The following S100Z variants were observed in gnomAD, a reference collection of about 807,000 sequenced individuals.
The protein encoded by S100Z is S100 calcium binding protein Z, also known as protein S100-Z.
S100Z carries 11 observed loss-of-function variants against 8.5 expected under a neutral mutation model. That is an observed-to-expected ratio of 1.30 (90% CI 0.82 to 2.15). The LOEUF is 2.15. Among genes scored for constraint, S100Z ranks in the 30% most tolerant of loss-of-function variants. The pLI, the probability that S100Z is intolerant of heterozygous loss-of-function variation, is 0.00. For missense variants in S100Z, 126 were observed against 117.9 expected (o/e 1.07, Z -0.32); for synonymous variants, 34 against 43.8 (o/e 0.78, Z 0.89).
At chr5:76,855,053 G>A (rs1490615263) in intron 1 of S100Z, among the ~76,000 whole-genome samples, 1 of 152,238 alleles carries the variant, frequency 6.6e-6, no homozygotes, top group Non-Finnish European at 1.5e-5. Context: ...GCCTGTGAGT[G>A]CACAGAATGC....
intron 4 of S100Z, among the ~76,000 whole-genome samples, chr5:76,888,898 T>C (rs1743758034): frequency 6.6e-6 from 1 of 152,190 alleles, no homozygotes; most frequent in Non-Finnish European, 1.5e-5. Context: ...CCACCAAACA[T>C]GGTGATTCTC....
chr5:76,879,428 A>G (rs1743315906), intron 4 of S100Z, among the ~76,000 whole-genome samples: 1 of 152,194 alleles, frequency 6.6e-6, no homozygotes, highest in Non-Finnish European at 1.5e-5. Context: ...TAGGGTTTTG[A>G]TCAAGCAAAT....
intron 4 of S100Z, among the ~76,000 whole-genome samples, chr5:76,884,989 G>T (rs1356971553): frequency 6.6e-6 from 1 of 152,170 alleles, no homozygotes; most frequent in East Asian, 1.9e-4. Context: ...ATGCCTGGAC[G>T]TCAGGCACCT....
the S100Z span, among the ~76,000 whole-genome samples, chr5:76,937,535 T>G: frequency 1.3e-5 from 2 of 151,920 alleles, no homozygotes; most frequent in African/African-American, 4.8e-5. Flanking sequence ...GTGAGCAGAT[T>G]GCTTCAGCCC....
chr5:76,908,901 T>C (rs1181076437), intron 4 of S100Z, among the ~76,000 whole-genome samples: 1 of 152,074 alleles, frequency 6.6e-6, no homozygotes, highest in Non-Finnish European at 1.5e-5. Flanking sequence ...CTAAATCCGA[T>C]TTTTCTCAGT....
At chr5:76,900,542 A>G (rs959901642) in intron 4 of S100Z, among the ~76,000 whole-genome samples, 1 of 152,116 alleles carries the variant, frequency 6.6e-6, no homozygotes, top group Non-Finnish European at 1.5e-5. Flanking sequence ...TAGTATGCCA[A>G]TTGCATTTTT....
chr5:76,891,845 A>G (rs1185897048), intron 4 of S100Z, among the ~76,000 whole-genome samples: 1 of 152,068 alleles, frequency 6.6e-6, no homozygotes, highest in African/African-American at 2.4e-5. Flanking sequence ...GGGGAGGGAA[A>G]GGATGTCACC....
intron 4 of S100Z, among the ~76,000 whole-genome samples, chr5:76,880,879 C>T (rs1428551087): frequency 6.6e-6 from 1 of 152,028 alleles, no homozygotes; most frequent in African/African-American, 2.4e-5. Context: ...TACAAGAGTA[C>T]CCCTTTTTTA....
At chr5:76,943,930 AT>A in the S100Z span, among the ~76,000 whole-genome samples, 1 of 21,138 alleles carries the variant, frequency 4.7e-5, no homozygotes, top group South Asian at 3.7e-3. Context: ...AAACTTTGAC[AT>A]TTTTTTCAGC....
chr5:76,931,601 C>G, the S100Z span, among the ~76,000 whole-genome samples: 1 of 152,110 alleles, frequency 6.6e-6, no homozygotes, highest in Non-Finnish European at 1.5e-5. Flanking sequence ...GTGTCCTTAC[C>G]TTCAGCCCCG....
chr5:76,916,080 G>C (rs1744845095), intron 4 of S100Z, among the ~76,000 whole-genome samples: 1 of 149,826 alleles, frequency 6.7e-6, no homozygotes, highest in Non-Finnish European at 1.5e-5. Context: ...AGAATCGCTT[G>C]AACCCAGGAG....
intron 4 of S100Z, among the ~76,000 whole-genome samples, chr5:76,885,094 G>A (rs931914524): frequency 1.3e-5 from 2 of 152,110 alleles, no homozygotes; most frequent in Non-Finnish European, 2.9e-5. Context: ...AACCATTGTC[G>A]AGCTTGTATT....
chr5:76,950,153 G>T, the S100Z span, among the ~76,000 whole-genome samples: 1 of 152,220 alleles, frequency 6.6e-6, no homozygotes, highest in South Asian at 2.1e-4. Context: ...GATTAATCAG[G>T]AAAGGAAAAA....
At chr5:76,909,107 T>C (rs1157848884) in intron 4 of S100Z, among the ~76,000 whole-genome samples, 1 of 152,028 alleles carries the variant, frequency 6.6e-6, no homozygotes, top group African/African-American at 2.4e-5. Context: ...ACAAGAGGTG[T>C]TTTCGGCTAC....
At chr5:76,942,655 C>T in the S100Z span, among the ~76,000 whole-genome samples, 2 of 152,168 alleles carry the variant, frequency 1.3e-5, no homozygotes, top group African/African-American at 4.8e-5. Context: ...TGTTTAGTAT[C>T]AGCTCTTCAT....
chr5:76,853,900 C>A (rs940231690), intron 1 of S100Z, among the ~76,000 whole-genome samples: 3 of 151,746 alleles, frequency 2.0e-5, no homozygotes, highest in African/African-American at 4.8e-5. Context: ...TTAGCACCAT[C>A]CCCTTGGTGC....
chr5:76,886,131 G>A (rs1183799075), intron 4 of S100Z, among the ~76,000 whole-genome samples: 1 of 152,146 alleles, frequency 6.6e-6, no homozygotes, highest in Non-Finnish European at 1.5e-5. Flanking sequence ...CAGAAAAGTG[G>A]TGCTTGCCGC....
intron 4 of S100Z, among the ~76,000 whole-genome samples, chr5:76,878,809 T>C (rs1743291158): frequency 6.6e-6 from 1 of 152,162 alleles, no homozygotes; most frequent in Non-Finnish European, 1.5e-5. Context: ...AGTTCAGCAC[T>C]GGAGATGAAG....
intron 1 of S100Z, among the ~76,000 whole-genome samples, chr5:76,854,768 G>A (rs1750833284): frequency 4.6e-5 from 7 of 152,252 alleles, no homozygotes; most frequent in Admixed American, 4.6e-4. Context: ...GAAGGCAAAT[G>A]CTGATAGCCA....
Sources: allele counts gnomAD v4.1 joint callset (sites outside exome capture counted in the v4.1 genomes callset), GRCh38; gene constraint gnomAD v4.1.1; transcripts MANE v1.5; gene names NCBI Gene and HGNC (gene_info 2026-07-23, HGNC 2026-07-21).